The following CACNA1C variants were observed in gnomAD, a reference collection of about 807,000 sequenced individuals.
CACNA1C encodes the protein voltage-dependent L-type calcium channel subunit alpha-1C.
Under a neutral mutation model 229.0 loss-of-function variants are expected in CACNA1C, and 30 were observed. That is an observed-to-expected ratio of 0.13 (90% confidence interval 0.10 to 0.18). The LOEUF (loss-of-function observed/expected upper bound fraction) is 0.18, where lower values mean the gene tolerates loss of function less well. Among genes scored for constraint, CACNA1C ranks in the 10% least tolerant of loss-of-function variants. CACNA1C has a pLI of 1.00. For synonymous variants in CACNA1C, 1,114 were observed against 1,132.5 expected (o/e 0.98, Z 0.33); for missense variants, 1,658 against 2,845.0 (o/e 0.58, Z 9.49).
intron 34 of CACNA1C, among the ~76,000 whole-genome samples, chr12:2,658,588 T>C (rs1475292913): frequency 6.6e-6 from 1 of 151,710 alleles, no homozygotes; most frequent in Non-Finnish European, 1.5e-5. Flanking sequence ...TACTGCACTA[T>C]ACTTTTATCA....
rs147050859 is a variant in CACNA1C, at chr12:2,287,835, C to G, written c.478-161141C>G. Among the ~76,000 whole-genome samples, 810 of 152,252 alleles carry G rather than the reference C, an allele frequency of 5.3e-3. 4 individuals carry two copies. Among genetic ancestry groups the G allele is most frequent in the Non-Finnish European group, 8.4e-3 (571 of 68,018 alleles). ...CTCCCAGGTGACTCGCTGCTGCTGG[C>G]CTGGGACCACACTTTGGAAATCACG... On this transcript the variant is annotated intron_variant, in intron 3 of 46. Coordinates refer to ENST00000399655, the MANE Select transcript of CACNA1C (RefSeq NM_000719.7). The surrounding 1 kb of genome is among the most constrained non-coding windows in gnomAD (Gnocchi z 4.6).
chr12:2,651,756 C>G lies in CACNA1C; in HGVS notation c.4062C>G (p.Ile1354Met). 1 of 1,607,968 alleles carries G rather than the reference C, an allele frequency of 6.2e-7. No homozygotes were observed. Reference sequence around the variant, plus strand: ...TCCGGACGCTGCTGTGGACCTTCATCAAGTCCTTCCAGGTAGCCGCCCCTC... The same window carrying G: ...TCCGGACGCTGCTGTGGACCTTCATGAAGTCCTTCCAGGTAGCCGCCCCTC... ...EGIRTLLWTF[I>M]KSFQALPYVA... Residue 1354 changes from isoleucine (I) to methionine (M), a missense_variant, in exon 32 of 47, where the codon ATC (isoleucine) becomes ATG (methionine). This residue lies in a region of CACNA1C where 11 missense variants were observed against 64.0 expected (regional missense o/e 0.17). Coordinates refer to ENST00000399655, the MANE Select transcript of CACNA1C (RefSeq NM_000719.7). This position sits in a 1 kb window ranked among gnomAD's most constrained non-coding sequence, Gnocchi z 5.4.
chr12:2,078,157 A>C (rs780831614), intron 1 of CACNA1C, among the ~76,000 whole-genome samples: 4 of 152,146 alleles, frequency 2.6e-5, no homozygotes, highest in Non-Finnish European at 5.9e-5. Context: ...TAGAAGAAGA[A>C]ACACCAGAGA....
intron 9 of CACNA1C, among the ~76,000 whole-genome samples, chr12:2,515,831 T>C (rs373562915): frequency 2.0e-5 from 3 of 152,174 alleles, no homozygotes; most frequent in Admixed American, 6.5e-5. Flanking sequence ...TCTCTAAATA[T>C]TAGTGTAAGT....
At chr12:1,990,177 T>C (rs2038997960) in intron 1 of CACNA1C, among the ~76,000 whole-genome samples, 1 of 152,206 alleles carries the variant, frequency 6.6e-6, no homozygotes, top group Admixed American at 6.5e-5. Context: ...AGTATTCTCA[T>C]TTATAAAACA....
At chr12:2,362,563 G>C (rs2097584506) in intron 3 of CACNA1C, among the ~76,000 whole-genome samples, 1 of 152,134 alleles carries the variant, frequency 6.6e-6, no homozygotes, top group Non-Finnish European at 1.5e-5. Context: ...CTCCTGCTGG[G>C]GTGCATGTGT....
At chr12:2,421,791 G>A (rs2098981690) in intron 3 of CACNA1C, among the ~76,000 whole-genome samples, 1 of 152,062 alleles carries the variant, frequency 6.6e-6, no homozygotes, top group Non-Finnish European at 1.5e-5. Flanking sequence ...TGCACCTGTA[G>A]TCCCAGCTAC....
intron 3 of CACNA1C, among the ~76,000 whole-genome samples, chr12:2,244,937 C>A (rs750671406): frequency 6.6e-6 from 1 of 152,196 alleles, no homozygotes; most frequent in Non-Finnish European, 1.5e-5. Flanking sequence ...CCCATCGAAG[C>A]CAAGGCCTTC....
intron 45 of CACNA1C, among the ~76,000 whole-genome samples, chr12:2,688,073 T>C (rs1403111818): frequency 6.6e-6 from 1 of 152,124 alleles, no homozygotes; most frequent in Non-Finnish European, 1.5e-5. Context: ...TTTTCTGGCT[T>C]TACAGACATG....
At chr12:2,482,694 G>A (rs987800312) in intron 5 of CACNA1C, among the ~76,000 whole-genome samples, 4 of 152,144 alleles carry the variant, frequency 2.6e-5, no homozygotes, top group African/African-American at 9.7e-5. Context: ...GGATACCTCT[G>A]AGGATGGGGA....
intron 7 of CACNA1C, among the ~76,000 whole-genome samples, chr12:2,494,709 A>G (rs2099743196): frequency 6.6e-6 from 1 of 152,238 alleles, no homozygotes; most frequent in Non-Finnish European, 1.5e-5. Context: ...GATTTGGTGC[A>G]CAGTATTCTG....
At chr12:1,982,759 T>C (rs1013250258) in intron 1 of CACNA1C, among the ~76,000 whole-genome samples, 3 of 152,264 alleles carry the variant, frequency 2.0e-5, no homozygotes, top group East Asian at 1.9e-4. Flanking sequence ...TTTCTTGAAA[T>C]GTCTTTGCCT....
chr12:2,556,259 G>A lies in CACNA1C; in HGVS notation c.1482-692G>A, dbSNP rs574654921. On this transcript the variant is annotated intron_variant, in intron 10 of 46. Coordinates refer to ENST00000399655, the MANE Select transcript of CACNA1C (RefSeq NM_000719.7). ...CCCTACATGACCTAGGGAGCCTCAG[G>A]ACTTCCTTGAAGGTTCTGCCTTTCC... Among the ~76,000 whole-genome samples the A allele has an allele frequency of 5.9e-5, 9 of 152,202 alleles. No homozygotes were observed. The South Asian group carries it at 1.5e-3, about 25-fold the overall frequency.
At chr12:2,141,714 C>T (rs762031716) in intron 3 of CACNA1C, among the ~76,000 whole-genome samples, 1 of 151,410 alleles carries the variant, frequency 6.6e-6, no homozygotes, top group Non-Finnish European at 1.5e-5. Flanking sequence ...GCCTCTGGCC[C>T]TGGGTAGACT....
At chr12:2,155,551 G>T (rs186202824) in intron 3 of CACNA1C, among the ~76,000 whole-genome samples, 111 of 152,262 alleles carry the variant, frequency 7.3e-4, no homozygotes, top group African/African-American at 2.5e-3. Context: ...AGGAATTTCT[G>T]ACCTCAATCA....
At chr12:2,186,359 A>G (rs1251956045) in intron 3 of CACNA1C, among the ~76,000 whole-genome samples, 1 of 152,028 alleles carries the variant, frequency 6.6e-6, no homozygotes, top group African/African-American at 2.4e-5. Flanking sequence ...ATTGTGGGTG[A>G]GGCAAGGTGG....
intron 3 of CACNA1C, among the ~76,000 whole-genome samples, chr12:2,255,065 A>G (rs1293778082): frequency 6.6e-6 from 1 of 152,172 alleles, no homozygotes; most frequent in Non-Finnish European, 1.5e-5. Flanking sequence ...GGCCCTGCAG[A>G]TGCCACGGCT....
intron 3 of CACNA1C, among the ~76,000 whole-genome samples, chr12:2,120,697 T>TGTGTGTGTG (rs3085995): frequency 1.3e-5 from 2 of 151,022 alleles, no homozygotes; most frequent in Admixed American, 6.6e-5. Context: ...TGTGTGTGTG[T>TGTGTGTGTG]TTAGTAGCAA....
At chr12:2,075,681 C>T (rs2283276) in intron 1 of CACNA1C, among the ~76,000 whole-genome samples, 116,869 of 152,176 alleles carry the variant, frequency 0.77, 45,361 homozygotes, top group African/African-American at 0.85. Context: ...CTGCCCTGAC[C>T]TCCGGTAGGA....
Sources: allele counts gnomAD v4.1 joint callset (sites outside exome capture counted in the v4.1 genomes callset), GRCh38; gene constraint gnomAD v4.1.1; regional missense constraint gnomAD v4.1.1; non-coding constraint Gnocchi (gnomAD v3.1); transcripts MANE v1.5; gene names NCBI Gene and HGNC (gene_info 2026-07-23, HGNC 2026-07-21).